TCF4: variants seen among roughly 807,000 people sequenced by gnomAD.
The protein encoded by TCF4 is SL3-3 enhancer factor 2.
In TCF4, 3 loss-of-function variants were observed where a neutral mutation model predicts 82.1. The observed-to-expected ratio is 0.04, with a 90% CI of 0.02 to 0.09. The LOEUF is 0.09. Ranked by LOEUF, TCF4 falls within the 10% of genes least tolerant of loss-of-function variation. The pLI is 1.00. For missense variants in TCF4, 518 were observed against 852.7 expected (o/e 0.61, Z 4.89); for synonymous variants, 276 against 309.6 (o/e 0.89, Z 1.14).
At chr18:55,414,568 A>G (rs1013902943) in intron 5 of TCF4, among the ~76,000 whole-genome samples, 2 of 152,194 alleles carry the variant, frequency 1.3e-5, no homozygotes, top group Non-Finnish European at 2.9e-5. Flanking sequence ...AATTATTATA[A>G]AGACTTTGAT....
intron 15 of TCF4, among the ~76,000 whole-genome samples, chr18:55,236,580 C>G (rs545403796): frequency 2.0e-5 from 3 of 152,152 alleles, no homozygotes; most frequent in Admixed American, 6.5e-5. Flanking sequence ...GTAACTCACT[C>G]TCTTATATAT....
At chr18:55,433,870 A>C (rs563584736) in intron 5 of TCF4, among the ~76,000 whole-genome samples, 50 of 152,106 alleles carry the variant, frequency 3.3e-4, no homozygotes, top group Non-Finnish European at 5.6e-4. Context: ...TTATGTGCCC[A>C]ATCATCCATG....
chr18:55,345,115 T>C (rs1253506480), intron 8 of TCF4, among the ~76,000 whole-genome samples: 1 of 152,092 alleles, frequency 6.6e-6, no homozygotes, highest in Non-Finnish European at 1.5e-5. Flanking sequence ...TGCCTAATAG[T>C]ATGTATGTTG....
chr18:55,631,462 G>C, intron 1 of TCF4: 1 of 1,459,416 alleles, frequency 6.9e-7, no homozygotes, highest in South Asian at 1.3e-5. Flanking sequence ...GGTACTGGTA[G>C]TCTGGGGAAG....
chr18:55,625,941 T>G (rs1474548726), intron 2 of TCF4, among the ~76,000 whole-genome samples: 1 of 152,254 alleles, frequency 6.6e-6, no homozygotes, highest in Non-Finnish European at 1.5e-5. Flanking sequence ...CAGCCTTCCA[T>G]AGTGGACTAC....
At chr18:55,528,978 G>A (rs2097025953) in intron 3 of TCF4, among the ~76,000 whole-genome samples, 1 of 152,118 alleles carries the variant, frequency 6.6e-6, no homozygotes, top group African/African-American at 2.4e-5. Context: ...AGTACTTCAA[G>A]ACCAGCCTGG....
At chr18:55,301,542 A>G (rs1010541897) in intron 8 of TCF4, among the ~76,000 whole-genome samples, 2 of 152,132 alleles carry the variant, frequency 1.3e-5, no homozygotes, top group African/African-American at 4.8e-5. Flanking sequence ...TGAACAAACA[A>G]CTAACTTATT....
chr18:55,347,030 G>A (rs1391940371), intron 8 of TCF4, among the ~76,000 whole-genome samples: 1 of 152,118 alleles, frequency 6.6e-6, no homozygotes, highest in East Asian at 1.9e-4. Context: ...GAAATGAGCA[G>A]TAAAGTTGCA....
rs1161209626 is a variant in TCF4 at position 55,222,687 on chromosome 18, ATACAT to A, written c.*5343_*5347del. The A allele has an allele frequency of 6.6e-6, 1 of 152,646 alleles. No individual in the cohort carries two copies. The highest frequency in any genetic ancestry group is 1.5e-5 in the Non-Finnish European group (1 of 68,040). The allele number at this position is 152,646 out of a possible 1,614,324, so 9.5% of individuals were successfully genotyped here. On this transcript the variant is annotated 3_prime_UTR_variant, in exon 20 of 20. Transcript: ENST00000354452. Reference sequence around the variant, plus strand: ...TACCGCGGGCTTTCCTTTACATTGCATACATTACTTTACATTTCTACAGTGCAATG... The same window carrying A: ...TACCGCGGGCTTTCCTTTACATTGCATACTTTACATTTCTACAGTGCAATG...
intron 3 of TCF4, among the ~76,000 whole-genome samples, chr18:55,506,768 T>C (rs1407102510): frequency 6.6e-6 from 1 of 152,138 alleles, no homozygotes; most frequent in Non-Finnish European, 1.5e-5. Context: ...AGTTAGTTCA[T>C]AAATCAGGCA....
intron 3 of TCF4, among the ~76,000 whole-genome samples, chr18:55,569,892 G>A (rs977491015): frequency 2.0e-5 from 3 of 152,128 alleles, no homozygotes; most frequent in African/African-American, 7.2e-5. Flanking sequence ...CAAAGACCTT[G>A]ACAAGCTGAA....
chr18:55,574,915 T>C (rs1451246224), intron 3 of TCF4, among the ~76,000 whole-genome samples: 17 of 152,162 alleles, frequency 1.1e-4, no homozygotes, highest in Admixed American at 1.1e-3. Flanking sequence ...ACACTCACAC[T>C]GAAAAAATAA....
chr18:55,467,517 AG>A (rs1383538698), intron 3 of TCF4, among the ~76,000 whole-genome samples: 1 of 152,150 alleles, frequency 6.6e-6, no homozygotes, highest in Non-Finnish European at 1.5e-5. Flanking sequence ...TGAGAACCAC[AG>A]GACTACTCCA....
At chr18:55,247,851 A>G (rs554578389) in intron 15 of TCF4, among the ~76,000 whole-genome samples, 123 of 152,352 alleles carry the variant, frequency 8.1e-4, no homozygotes, top group African/African-American at 2.7e-3. Context: ...GGGCAATTCT[A>G]TTGGGCAGAA....
intron 3 of TCF4, among the ~76,000 whole-genome samples, chr18:55,467,550 T>C (rs2096058292): frequency 6.6e-6 from 1 of 152,168 alleles, no homozygotes; most frequent in African/African-American, 2.4e-5. Flanking sequence ...GACAAATGCA[T>C]GCCCCACACC....
At chr18:55,274,250 G>C (rs555712651) in intron 10 of TCF4, among the ~76,000 whole-genome samples, 1 of 152,040 alleles carries the variant, frequency 6.6e-6, no homozygotes, top group Non-Finnish European at 1.5e-5. Flanking sequence ...ATAGGAGGTG[G>C]GAAAAGAGAA....
At chr18:55,336,360 T>G (rs2078640747) in intron 8 of TCF4, among the ~76,000 whole-genome samples, 1 of 152,054 alleles carries the variant, frequency 6.6e-6, no homozygotes, top group African/African-American at 2.4e-5. Flanking sequence ...TCAGCATTGG[T>G]AAAAGAAAGG....
intron 3 of TCF4, among the ~76,000 whole-genome samples, chr18:55,544,434 C>T (rs967059908): frequency 6.6e-6 from 1 of 152,048 alleles, no homozygotes. Context: ...AAGTGGACTC[C>T]CCTGCTCTTT....
chr18:55,461,779 C>A (rs919229869), intron 4 of TCF4, among the ~76,000 whole-genome samples: 9 of 152,070 alleles, frequency 5.9e-5, no homozygotes, highest in Non-Finnish European at 1.0e-4. Flanking sequence ...GTAAGGCAGA[C>A]AAATTTTGAC....
Sources: allele counts gnomAD v4.1 joint callset (sites outside exome capture counted in the v4.1 genomes callset), GRCh38; gene constraint gnomAD v4.1.1; transcripts MANE v1.5; gene names NCBI Gene and HGNC (gene_info 2026-07-23, HGNC 2026-07-21).